The following CHAF1A variants were observed in gnomAD, a reference collection of about 807,000 sequenced individuals.
CHAF1A encodes CAF-1 subunit A.
CHAF1A carries 5 observed loss-of-function variants against 93.2 expected under a neutral mutation model. The observed-to-expected ratio is 0.05, with a 90% CI of 0.03 to 0.11. The LOEUF (loss-of-function observed/expected upper bound fraction) is 0.11, where lower values mean the gene tolerates loss of function less well. Ranked by LOEUF, CHAF1A falls within the 10% of genes least tolerant of loss-of-function variation. CHAF1A has a pLI of 1.00. For synonymous variants in CHAF1A, 504 were observed against 510.3 expected (o/e 0.99, Z 0.17); for missense variants, 1,102 against 1,259.9 (o/e 0.87, Z 1.90).
chr19:4,430,532 T>G lies in CHAF1A; in HGVS notation c.1855-17T>G, dbSNP rs1411077993. On this transcript the variant is annotated splice_polypyrimidine_tract_variant and intron_variant, in intron 10 of 14. Coordinates refer to ENST00000301280, the MANE Select transcript of CHAF1A (RefSeq NM_005483.3). ...GCTTTTCTATCTGATGAACTCTTTT[T>G]TTTTTCTCCTTTTGAGGATGATGAT... 1.3e-6 allele frequency: 2 copies of G among 1,533,896 alleles called. No homozygotes were observed. Among genetic ancestry groups the G allele is most frequent in the African/African-American group, 2.7e-5 (2 of 73,206 alleles).
At chr19:4,442,174 C>A in intron 13 of CHAF1A, 71 bp from the exon 14 acceptor site, 1 of 1,300,828 alleles carries the variant, frequency 7.7e-7, no homozygotes, top group East Asian at 2.3e-5. Flanking sequence ...GTGGAGTTCC[C>A]CCCGCTACCG....
At chr19:4,436,135 G>C (rs1467566185) in intron 13 of CHAF1A, among the ~76,000 whole-genome samples, 1 of 149,932 alleles carries the variant, frequency 6.7e-6, no homozygotes, top group Non-Finnish European at 1.5e-5. Context: ...CAAGATTCTA[G>C]TCCCCCAAAA....
intron 13 of CHAF1A, among the ~76,000 whole-genome samples, chr19:4,438,827 A>G (rs1974333950): frequency 6.6e-6 from 1 of 152,112 alleles, no homozygotes; most frequent in Admixed American, 6.6e-5. Flanking sequence ...CTAAAAATAC[A>G]AAAAATTAGC....
At chr19:4,441,690 A>C (rs1449791155) in intron 13 of CHAF1A, among the ~76,000 whole-genome samples, 1 of 151,948 alleles carries the variant, frequency 6.6e-6, no homozygotes, top group African/African-American at 2.4e-5. Flanking sequence ...GCGGATCACG[A>C]GGTCAGGAGA....
intron 14 of CHAF1A, 59 bp downstream of exon 14, chr19:4,442,400 C>T (rs989329015): frequency 7.2e-7 from 1 of 1,385,148 alleles, no homozygotes; most frequent in Non-Finnish European, 1.0e-6. Context: ...AGGTAAACCT[C>T]AACAGAGAAG....
chr19:4,447,013 G>C (rs546572942), downstream of CHAF1A: 2 of 1,293,922 alleles, frequency 1.5e-6, no homozygotes, highest in Non-Finnish European at 2.2e-6. Context: ...TCTCGCTATT[G>C]GGAGCAGCTG....
chr19:4,430,930 G>A (rs1255173789), intron 11 of CHAF1A: 5 of 423,396 alleles, frequency 1.2e-5, no homozygotes, highest in South Asian at 2.5e-5. Flanking sequence ...GAAACCACCC[G>A]AGCTGACATA....
At chr19:4,415,189 C>A (rs1973876798) in intron 3 of CHAF1A, among the ~76,000 whole-genome samples, 1 of 152,048 alleles carries the variant, frequency 6.6e-6, no homozygotes, top group Non-Finnish European at 1.5e-5. Flanking sequence ...AGAGTGAGAT[C>A]TATAAACACT....
Position 4,430,557 on chromosome 19 carries a change from T to C in CHAF1A, c.1863T>C (p.Asp621=), listed in dbSNP as rs143826253. The C allele has an allele frequency of 1.1e-4, 175 of 1,586,538 alleles. No individual in the cohort carries two copies. Among genetic ancestry groups the C allele is most frequent in the Admixed American group, 2.3e-4 (14 of 59,896 alleles). ...TTTTTTCTCCTTTTGAGGATGATGA[T>C]GACGACATGGGAGAGGATGAAGATG... is the stretch of plus-strand genomic sequence containing the variant. The part of the protein sequence containing the change: ...ESLSHSEGDD[D]DDMGEDEDED... The change falls in exon 11 of 15, where the codon GAT becomes GAC. Residue 621 remains aspartate (D), a synonymous_variant. Coordinates refer to ENST00000301280, the MANE Select transcript of CHAF1A (RefSeq NM_005483.3).
intron 1 of CHAF1A, among the ~76,000 whole-genome samples, chr19:4,403,878 C>A (rs189608723): frequency 1.6e-3 from 251 of 152,348 alleles, no homozygotes; most frequent in African/African-American, 5.9e-3. Flanking sequence ...TATTTTGAGA[C>A]TGAGTCTTGC....
At chr19:4,449,996 G>A (rs142289397), downstream of CHAF1A, 1 of 152,100 alleles carries the variant, frequency 6.6e-6, no homozygotes, top group African/African-American at 2.4e-5. Context: ...TTGGGAGGCC[G>A]AGGCGGTCGG....
intron 3 of CHAF1A, among the ~76,000 whole-genome samples, chr19:4,413,828 A>T (rs562933801): frequency 8.7e-4 from 133 of 152,308 alleles, no homozygotes; most frequent in African/African-American, 3.1e-3. Flanking sequence ...ACAATGATTT[A>T]AAAAGATCCC....
At chr19:4,410,106 C>G (rs1973765783) in intron 3 of CHAF1A, among the ~76,000 whole-genome samples, 1 of 152,142 alleles carries the variant, frequency 6.6e-6, no homozygotes, top group African/African-American at 2.4e-5. Context: ...GATTCGAGGT[C>G]CAGCTTTCTC....
At chr19:4,428,963 CG>C (rs1224289199) in intron 8 of CHAF1A, 73 bp downstream of exon 8, 22 of 1,293,042 alleles carry the variant, frequency 1.7e-5, no homozygotes, top group Non-Finnish European at 2.3e-5. Context: ...CTGGGGTCCC[CG>C]GGGTGGGAGC....
At chr19:4,448,295 G>C (rs1481291057), downstream of CHAF1A, 1 of 1,583,210 alleles carries the variant, frequency 6.3e-7, no homozygotes, top group South Asian at 1.1e-5. Flanking sequence ...GGGCCAGGCA[G>C]GGCAAAGGGG....
In CHAF1A at chr19:4,442,328, C is replaced by G. The variant is rs376178380; in HGVS notation, c.2757C>G (p.Val919=). ...EEEGDCMIVD[V]PDAAEVQAPC... is the part of the protein sequence containing the mutation. Reference sequence around the variant, plus strand: ...AGGGCGACTGTATGATCGTGGATGTCCCGGATGCTGCGGGTGAGAAGGGCT... The same window carrying G: ...AGGGCGACTGTATGATCGTGGATGTGCCGGATGCTGCGGGTGAGAAGGGCT... The change falls in exon 14 of 15, where the codon GTC becomes GTG. Residue 919 remains valine, a synonymous_variant. Coordinates refer to ENST00000301280, the MANE Select transcript of CHAF1A (RefSeq NM_005483.3). 1.7e-4 allele frequency: 267 copies of G among 1,601,292 alleles called. No homozygotes were observed. The highest frequency in any genetic ancestry group is 4.9e-4 in the Middle Eastern group (3 of 6,076).
intron 14 of CHAF1A, 140 bp downstream of exon 14, chr19:4,442,481 C>A: frequency 1.4e-6 from 1 of 720,568 alleles, no homozygotes; most frequent in Non-Finnish European, 2.4e-6. Context: ...TGGCTCCTGC[C>A]CTGCCACATC....
Position 4,437,915 on chromosome 19 carries a change from ATT to A in CHAF1A, c.2674-4324_2674-4323del, listed in dbSNP as rs575534439. Among the ~76,000 whole-genome samples, 98 of 151,482 alleles carry A rather than the reference ATT, an allele frequency of 6.5e-4. 1 individual carries two copies. In the East Asian group the frequency reaches 0.016, roughly 24 times the overall value. On this transcript the variant is annotated intron_variant, in intron 13 of 14. Transcript: ENST00000301280. ...CCACCACGCCCAGCTAATTTTTTGT[ATT>A]TTTTTAGTAGAGACGGGGTTTCACT...
At chr19:4,424,914 C>T (rs183711579) in intron 7 of CHAF1A, among the ~76,000 whole-genome samples, 485 of 152,276 alleles carry the variant, frequency 3.2e-3, no homozygotes, top group Non-Finnish European at 4.4e-3. Context: ...GGATTATAGG[C>T]GTGAGCCACC....
Sources: allele counts gnomAD v4.1 joint callset (sites outside exome capture counted in the v4.1 genomes callset), GRCh38; gene constraint gnomAD v4.1.1; transcripts MANE v1.5; gene names NCBI Gene and HGNC (gene_info 2026-07-23, HGNC 2026-07-21).